Variants in ABLIM2 observed in about 807,000 individuals in gnomAD.
The protein encoded by ABLIM2 is actin binding LIM protein family member 2.
A neutral mutation model predicts 97.7 loss-of-function variants in ABLIM2; 53 were observed. The ratio of observed to expected loss-of-function variants is 0.54; its 90% confidence interval spans 0.44 to 0.68. The LOEUF (loss-of-function observed/expected upper bound fraction) is 0.68, where lower values mean the gene tolerates loss of function less well. Among genes scored for constraint, ABLIM2 ranks in the 30% least tolerant of loss-of-function variants. The probability of loss-of-function intolerance (pLI) is 0.00; values close to 1 mark genes in which losing one functional copy is unlikely to be tolerated. For missense variants in ABLIM2, 835 were observed against 867.2 expected (o/e 0.96, Z 0.47); for synonymous variants, 361 against 345.8 (o/e 1.04, Z -0.49).
intron 6 of ABLIM2, among the ~76,000 whole-genome samples, chr4:8,070,118 A>G (rs1292335456): frequency 6.6e-6 from 1 of 150,672 alleles, no homozygotes; most frequent in African/African-American, 2.4e-5. Context: ...GCATGTGTCT[A>G]TGTATGTCTA....
chr4:8,038,647 G>A (rs536066501), intron 9 of ABLIM2, among the ~76,000 whole-genome samples: 1 of 152,144 alleles, frequency 6.6e-6, no homozygotes, highest in Non-Finnish European at 1.5e-5. Flanking sequence ...GTTGGGTCTT[G>A]GGGTGAACCC....
chr4:8,037,035 G>A (rs1490687670), intron 9 of ABLIM2, among the ~76,000 whole-genome samples: 2 of 152,022 alleles, frequency 1.3e-5, no homozygotes, highest in Non-Finnish European at 2.9e-5. Context: ...ACCATCTCTT[G>A]GTGATTTGTA....
At position 8,061,104 on chromosome 4, in the gene ABLIM2, G is replaced by T. The variant is rs1262288085; in HGVS notation, c.676-50C>A. 1 of 1,518,380 alleles carries T rather than the reference G, an allele frequency of 6.6e-7. No homozygotes were observed. Among genetic ancestry groups the T allele is most frequent in the Non-Finnish European group, 8.9e-7 (1 of 1,118,064 alleles). The allele number at this position is 1,518,380 out of a possible 1,614,324, so 94.1% of individuals were successfully genotyped here. A position where few individuals can be genotyped will look rare whatever the true frequency, so the allele number is the denominator to read the frequency against. ...TGTTTCTACTAAAGCCAGAAAGGTC[G>T]GCTGGGTCCCAGCGCCCGGCATGGA... On this transcript the variant is annotated intron_variant, in intron 6 of 20. Transcript: ENST00000447017. The surrounding 1 kb of genome is among the most constrained non-coding windows in gnomAD (Gnocchi z 4.5).
Position 8,133,708 on chromosome 4 carries a change from G to A in ABLIM2, c.10+24972C>T, listed in dbSNP as rs115414718. On this transcript the variant is annotated intron_variant, in intron 1 of 20. Coordinates refer to ENST00000447017, the MANE Select transcript of ABLIM2 (RefSeq NM_001130083.2). ...CCAGCTCCACCTGGGTCCATGCCCC[G>A]GCCCTCCGACAGCATCTCTGCAGGA... Among the ~76,000 whole-genome samples the A allele has an allele frequency of 1.1e-3, 171 of 152,282 alleles. 1 individual carries two copies. The highest frequency in any genetic ancestry group is 3.9e-3 in the African/African-American group (161 of 41,564).
In ABLIM2 at chr4:8,061,297, G is replaced by A. The variant is rs6825190; in HGVS notation, c.676-243C>T. Among the ~76,000 whole-genome samples, 94,870 of 151,924 alleles carry A rather than the reference G, an allele frequency of 0.62. 30,231 individuals carry two copies. Among genetic ancestry groups the A allele is most frequent in the East Asian group, 0.94 (4,789 of 5,120 alleles). The stretch of plus-strand genomic sequence containing the variant: ...CCTGGCTGCACTTGCCCAGCCTGCA[G>A]GAGCCCAGCATGCAGCTCCCTGCCG... On this transcript the variant is annotated intron_variant, in intron 6 of 20. Transcript: ENST00000447017. The surrounding 1 kb of genome is among the most constrained non-coding windows in gnomAD (Gnocchi z 4.5).
At chr4:8,151,392 C>T (rs1051942606) in intron 1 of ABLIM2, among the ~76,000 whole-genome samples, 4 of 152,196 alleles carry the variant, frequency 2.6e-5, no homozygotes, top group Non-Finnish European at 5.9e-5. Context: ...CTCCTCCGCC[C>T]CAGTCCTTCC....
chr4:8,057,098 CTTT>C (rs11333108), intron 7 of ABLIM2, among the ~76,000 whole-genome samples: 20 of 130,150 alleles, frequency 1.5e-4, no homozygotes, highest in Middle Eastern at 3.8e-3. Flanking sequence ...TTCTTTCTTT[CTTT>C]TTTTTTTTTT....
At chr4:8,133,269 G>A (rs1849686057) in intron 1 of ABLIM2, among the ~76,000 whole-genome samples, 1 of 152,236 alleles carries the variant, frequency 6.6e-6, no homozygotes, top group African/African-American at 2.4e-5. Context: ...GTCACATGCA[G>A]AGGGGTCAGG....
At position 7,966,636 on chromosome 4, in the gene ABLIM2, T is replaced by C; in HGVS notation, c.*354A>G. On this transcript the variant is annotated 3_prime_UTR_variant, in exon 21 of 21. Transcript: ENST00000447017. ...ACAGCTCACGTCCCGGCCACCTCTG[T>C]CCCCCACGTGCCCAGCACCGGGGCC... The C allele has an allele frequency of 4.1e-6, 1 of 242,186 alleles. No homozygotes were observed. Among genetic ancestry groups the C allele is most frequent in the East Asian group, 9.3e-5 (1 of 10,786 alleles). 15.0% of individuals were successfully genotyped at this position (242,186 alleles called of 1,614,324 possible).
At chr4:8,016,711 C>A (rs1401741490) in intron 14 of ABLIM2, among the ~76,000 whole-genome samples, 2 of 152,166 alleles carry the variant, frequency 1.3e-5, no homozygotes, top group African/African-American at 4.8e-5. Flanking sequence ...TCCACAGTAA[C>A]CTCACCAGAA....
chr4:8,012,769 C>T (rs1244101781), intron 14 of ABLIM2, among the ~76,000 whole-genome samples: 4 of 152,144 alleles, frequency 2.6e-5, no homozygotes, highest in African/African-American at 9.7e-5. Context: ...CATCCACCCA[C>T]TCACCCACAC....
Position 8,158,763 on chromosome 4 carries a change from C to T in ABLIM2, c.-74G>A, listed in dbSNP as rs1332714903. ...CCCTCGGGCCCGCAGGTGCCGCGCC[C>T]GCGCTATCCTCCGCCCGCCCGCCGG... On this transcript the variant is annotated 5_prime_UTR_variant, in exon 1 of 21. Transcript: ENST00000447017. The T allele has an allele frequency of 5.5e-6, 7 of 1,276,348 alleles. No homozygotes were observed. In the African/African-American group the frequency reaches 6.2e-5, roughly 11 times the overall value. 79.1% of individuals were successfully genotyped at this position (1,276,348 alleles called of 1,614,324 possible).
chr4:8,081,187 C>T (rs1041485681), intron 4 of ABLIM2, among the ~76,000 whole-genome samples: 1 of 152,080 alleles, frequency 6.6e-6, no homozygotes, highest in Non-Finnish European at 1.5e-5. Flanking sequence ...TAGAGAGGGC[C>T]GAGCCAGCCC....
Position 7,998,679 on chromosome 4 carries a change from G to A in ABLIM2, c.1619-5752C>T, listed in dbSNP as rs1368416022. 2.0e-6 allele frequency: 1 copy of A among 510,628 alleles called. No individual in the cohort carries two copies. The highest frequency in any genetic ancestry group is 1.4e-5 in the South Asian group (1 of 69,762). The allele number at this position is 510,628 out of a possible 1,614,324, so 31.6% of individuals were successfully genotyped here. On this transcript the variant is annotated intron_variant, in intron 16 of 20. Coordinates refer to ENST00000447017, the MANE Select transcript of ABLIM2 (RefSeq NM_001130083.2). The surrounding 1 kb of genome is among the most constrained non-coding windows in gnomAD (Gnocchi z 6.4). Reference sequence around the variant, plus strand: ...CGTCACCTTTTGCCACCACATGGGAGGCTGGGAGTCTGCAGGTCTGGGCCA... The same window carrying A: ...CGTCACCTTTTGCCACCACATGGGAAGCTGGGAGTCTGCAGGTCTGGGCCA...
rs79899043 is a variant in ABLIM2, at chr4:8,016,430, G to A, written c.1423+3188C>T. ...AGGTCCCTGCCCGATATCAAGTGTC[G>A]TGTGTCATCTCCCTGAAACAGCCTC... On this transcript the variant is annotated intron_variant, in intron 14 of 20. Transcript: ENST00000447017. Among the ~76,000 whole-genome samples the A allele has an allele frequency of 4.3e-3, 651 of 152,182 alleles. 5 individuals carry two copies. Among genetic ancestry groups the A allele is most frequent in the African/African-American group, 0.015 (612 of 41,506 alleles).
At position 8,061,372 on chromosome 4, in the gene ABLIM2, A is replaced by T. The variant is rs543485381; in HGVS notation, c.676-318T>A. On this transcript the variant is annotated intron_variant, in intron 6 of 20. Coordinates refer to ENST00000447017, the MANE Select transcript of ABLIM2 (RefSeq NM_001130083.2). This position sits in a 1 kb window ranked among gnomAD's most constrained non-coding sequence, Gnocchi z 4.5. ...CCTTTACCAGGCGGCATCCAGAGAGAGGTCTTGGTATTTCCAGAGGGAGCG... is the reference window on the plus strand; with the variant it reads ...CCTTTACCAGGCGGCATCCAGAGAGTGGTCTTGGTATTTCCAGAGGGAGCG... Among the ~76,000 whole-genome samples, 1 of 151,856 alleles carries T rather than the reference A, an allele frequency of 6.6e-6. No homozygotes were observed. The highest frequency in any genetic ancestry group is 6.6e-5 in the Admixed American group (1 of 15,252).
chr4:7,965,956 C>T lies in ABLIM2; in HGVS notation c.*1034G>A, dbSNP rs4696886. The T allele has an allele frequency of 0.14, 20,788 of 152,106 alleles. 1,747 individuals are homozygous for T. The highest frequency in any genetic ancestry group is 0.29 in the East Asian group (1,493 of 5,152). The allele number at this position is 152,106 out of a possible 1,614,324, so 9.4% of individuals were successfully genotyped here. On this transcript the variant is annotated 3_prime_UTR_variant, in exon 21 of 21. Coordinates refer to ENST00000447017, the MANE Select transcript of ABLIM2 (RefSeq NM_001130083.2). Reference sequence around the variant, plus strand: ...GCTACGTCGGGTATTAGGCAGGGTACGTGGAAACCCTTGATTCCAGGGCTT... The same window carrying T: ...GCTACGTCGGGTATTAGGCAGGGTATGTGGAAACCCTTGATTCCAGGGCTT...
chr4:8,052,508 G>A (rs552467430), intron 8 of ABLIM2, among the ~76,000 whole-genome samples: 8 of 152,346 alleles, frequency 5.3e-5, no homozygotes, highest in Middle Eastern at 3.4e-3. Context: ...GGATTTCATC[G>A]CGTGACTCTT....
chr4:8,007,806 C>A (rs1578488065), intron 16 of ABLIM2: 1 of 1,304,062 alleles, frequency 7.7e-7, no homozygotes, highest in Non-Finnish European at 9.7e-7. Context: ...TTCTTGCACA[C>A]CTTGGAAATC....
Sources: allele counts gnomAD v4.1 joint callset (sites outside exome capture counted in the v4.1 genomes callset), GRCh38; gene constraint gnomAD v4.1.1; non-coding constraint Gnocchi (gnomAD v3.1); transcripts MANE v1.5; gene names NCBI Gene and HGNC (gene_info 2026-07-23, HGNC 2026-07-21).